Variants in SLC22A9 observed in about 807,000 individuals in gnomAD.
SLC22A9 encodes solute carrier family 22 member 9, also known as organic anion transporter 7.
In SLC22A9, 64 loss-of-function variants were observed where a neutral mutation model predicts 50.1. The ratio of observed to expected loss-of-function variants is 1.28; its 90% confidence interval spans 1.04 to 1.57. SLC22A9 has a LOEUF of 1.57. Ranked by LOEUF, SLC22A9 falls within the 40% of genes most tolerant of loss-of-function variation. SLC22A9 has a pLI of 0.00. For synonymous variants in SLC22A9, 261 were observed against 242.5 expected, an observed-to-expected ratio of 1.08 and a Z score of -0.71; for missense variants, 757 against 676.1, an observed-to-expected ratio of 1.12 and a Z score of -1.33.
intron 5 of SLC22A9, among the ~76,000 whole-genome samples, chr11:63,380,148 C>T (rs1056495376): frequency 6.6e-6 from 1 of 152,196 alleles, no homozygotes; most frequent in Non-Finnish European, 1.5e-5. Context: ...TACCATCTCA[C>T]ACCTGTCAGA....
chr11:63,406,352 A>G (rs1248813639), intron 6 of SLC22A9, 145 bp from the exon 7 acceptor site: 4 of 676,814 alleles, frequency 5.9e-6, no homozygotes, highest in East Asian at 2.7e-5. Flanking sequence ...ATTTCTTTAA[A>G]TCACGTTGCA....
chr11:63,383,217 A>ATTGG (rs1565183875), intron 6 of SLC22A9, among the ~76,000 whole-genome samples: 6 of 152,144 alleles, frequency 3.9e-5, no homozygotes, highest in African/African-American at 7.2e-5. Context: ...GTATGTGTCC[A>ATTGG]ACATTCTAAT....
intron 6 of SLC22A9, among the ~76,000 whole-genome samples, chr11:63,385,385 G>A (rs7952297): frequency 0.24 from 36,709 of 151,948 alleles, 5,030 homozygotes; most frequent in Non-Finnish European, 0.32. Context: ...GCTTTGGGCA[G>A]TATGGCCATT....
chr11:63,391,569 T>G (rs2119952787), intron 6 of SLC22A9, among the ~76,000 whole-genome samples: 1 of 152,230 alleles, frequency 6.6e-6, no homozygotes, highest in Middle Eastern at 3.4e-3. Context: ...AATTACCTTC[T>G]TTGTCTCTTT....
At position 63,374,034 on chromosome 11, in the gene SLC22A9, C is replaced by G; in HGVS notation, c.802C>G (p.Pro268Ala). ...WHILQLVVSV[P>A]YFVIFLTSSW... ...TATCCTCCAGCTGGTGGTGTCTGTA[C>G]CATACTTTGTGATCTTTCTGACCTC... Residue 268 changes from proline to alanine, a missense_variant, in exon 4 of 10, where the codon CCA becomes GCA. Transcript: ENST00000279178. The G allele has an allele frequency of 6.2e-7, 1 of 1,611,826 alleles. No homozygotes were observed. Among genetic ancestry groups the G allele is most frequent in the Non-Finnish European group, 8.5e-7 (1 of 1,179,232 alleles).
At chr11:63,403,870 G>C (rs995568086) in intron 6 of SLC22A9, among the ~76,000 whole-genome samples, 3 of 151,992 alleles carry the variant, frequency 2.0e-5, no homozygotes, top group African/African-American at 7.2e-5. Flanking sequence ...AGTGTTCAAA[G>C]GATATGGAGA....
At chr11:63,382,347 A>G (rs138110404) in intron 6 of SLC22A9, 70 bp downstream of exon 6, 195 of 1,086,068 alleles carry the variant, frequency 1.8e-4, no homozygotes, top group Non-Finnish European at 2.5e-4. Flanking sequence ...CATTTCAAGT[A>G]GTACAGCATG....
At chr11:63,391,009 T>C (rs982866905) in intron 6 of SLC22A9, among the ~76,000 whole-genome samples, 2 of 152,132 alleles carry the variant, frequency 1.3e-5, no homozygotes, top group East Asian at 1.9e-4. Context: ...TAGGTTTTGA[T>C]ATGTTGTGTT....
intron 6 of SLC22A9, among the ~76,000 whole-genome samples, chr11:63,395,614 G>A (rs186064156): frequency 9.9e-4 from 150 of 152,266 alleles, no homozygotes; most frequent in African/African-American, 3.4e-3. Flanking sequence ...TGTTCTGGTG[G>A]AGGTGGCTAG....
At chr11:63,406,812 T>C (rs2015048952) in intron 7 of SLC22A9, 101 bp downstream of exon 7, 1 of 1,321,692 alleles carries the variant, frequency 7.6e-7, no homozygotes, top group East Asian at 2.5e-5. Flanking sequence ...AAGGGAGAAT[T>C]GGGTTCTTAG....
At chr11:63,396,533 C>T (rs537401329) in intron 6 of SLC22A9, among the ~76,000 whole-genome samples, 2 of 152,222 alleles carry the variant, frequency 1.3e-5, no homozygotes, top group Admixed American at 6.5e-5. Flanking sequence ...GGGCACTCAT[C>T]GTATTTGGGA....
At chr11:63,409,651 G>C (rs1321410513) in intron 9 of SLC22A9, 151 bp from the exon 10 acceptor site, 2 of 702,582 alleles carry the variant, frequency 2.8e-6, no homozygotes, top group Non-Finnish European at 4.7e-6. Context: ...TACTTCACAA[G>C]GTTTACTCAA....
chr11:63,384,334 T>C (rs1005415015), intron 6 of SLC22A9, among the ~76,000 whole-genome samples: 2 of 152,140 alleles, frequency 1.3e-5, no homozygotes, highest in African/African-American at 4.8e-5. Flanking sequence ...GTTGTTTCTC[T>C]CCCTGTGTCT....
intron 5 of SLC22A9, among the ~76,000 whole-genome samples, chr11:63,378,059 G>T (rs1394890896): frequency 6.6e-6 from 1 of 151,812 alleles, no homozygotes; most frequent in African/African-American, 2.4e-5. Context: ...GTAATAAAAA[G>T]CCAGTCAACT....
At chr11:63,379,499 A>G (rs511480) in intron 5 of SLC22A9, among the ~76,000 whole-genome samples, 76,223 of 152,064 alleles carry the variant, frequency 0.5, 19,875 homozygotes, top group Non-Finnish European at 0.58. Context: ...CACAAAAACA[A>G]AAGTTGACAA....
intron 4 of SLC22A9, among the ~76,000 whole-genome samples, chr11:63,374,985 GT>G (rs1321700437): frequency 3.9e-5 from 6 of 152,218 alleles, no homozygotes; most frequent in African/African-American, 1.4e-4. Context: ...AGCCAGTTCA[GT>G]GAAAGACATC....
intron 2 of SLC22A9, among the ~76,000 whole-genome samples, chr11:63,372,726 AG>A (rs1421478652): frequency 1.3e-5 from 2 of 152,122 alleles, no homozygotes; most frequent in Non-Finnish European, 2.9e-5. Context: ...TTATGATAAA[AG>A]TCATGTACTT....
intron 1 of SLC22A9, 92 bp downstream of exon 1, chr11:63,370,550 T>C (rs2014336848): frequency 4.3e-6 from 6 of 1,396,042 alleles, no homozygotes; most frequent in East Asian, 2.4e-5. Context: ...CAGTCACATG[T>C]AGGTCCTTAG....
chr11:63,370,685 CA>C (rs1273900582), intron 1 of SLC22A9, among the ~76,000 whole-genome samples: 2 of 152,032 alleles, frequency 1.3e-5, no homozygotes, highest in Non-Finnish European at 2.9e-5. Context: ...ACAGGGAGAC[CA>C]AAGTTTAAAC....
Sources: gnomAD v4.1 joint callset for allele counts (sites outside exome capture counted in the v4.1 genomes callset) on GRCh38, gnomAD v4.1.1 for gene constraint, MANE v1.5 for transcripts, NCBI Gene and HGNC (gene_info 2026-07-23, HGNC 2026-07-21) for gene names.